The following ZNF423 variants were observed in gnomAD, a reference collection of about 807,000 sequenced individuals.
The protein encoded by ZNF423 is zinc finger protein 423.
Under a neutral mutation model 95.8 loss-of-function variants are expected in ZNF423, and 12 were observed. That is an observed-to-expected ratio of 0.13 (90% confidence interval 0.08 to 0.20). The LOEUF (loss-of-function observed/expected upper bound fraction) is 0.20. ZNF423 is among the 10% of genes least tolerant of loss of function. The pLI is 1.00. For synonymous variants in ZNF423, 749 were observed against 711.9 expected (o/e 1.05, Z -0.83); for missense variants, 1,316 against 1,737.1 (o/e 0.76, Z 4.31).
At chr16:49,567,464 T>C (rs1970228382) in intron 5 of ZNF423, among the ~76,000 whole-genome samples, 1 of 151,864 alleles carries the variant, frequency 6.6e-6, no homozygotes, top group South Asian at 2.1e-4. Flanking sequence ...AGAATCAGGC[T>C]AGACAGACCC....
In ZNF423 at chr16:49,636,281, C is replaced by T; in HGVS notation, c.2895G>A (p.Lys965=). The T allele has an allele frequency of 6.2e-7, 1 of 1,612,868 alleles. No individual in the cohort carries two copies. The highest frequency in any genetic ancestry group is 8.5e-7 in the Non-Finnish European group (1 of 1,180,036). The change falls in exon 4 of 8, where the codon AAG becomes AAA. Residue 965 remains lysine, a synonymous_variant. Transcript: ENST00000563137. The surrounding 1 kb of genome is among the most constrained non-coding windows in gnomAD (Gnocchi z 8.6). ...CACCACAGATGGGACACATGTAGTG[C>T]TTGGCAGGGCCCCGGTGCGTCTGCA... ...EHLQTHRGPA[K]HYMCPICGER...
rs1270200612 is a variant in ZNF423 at position 49,670,441 on chromosome 16, C to A, written c.302-31567G>T. On this transcript the variant is annotated intron_variant, in intron 3 of 7. Transcript: ENST00000563137. The stretch of plus-strand genomic sequence containing the variant: ...CTCAGACCCCCTCATGGCTGTGGCC[C>A]TGTAAGGATGGGAAGGCATGGTTTT... Among the ~76,000 whole-genome samples, 32 of 152,242 alleles carry A rather than the reference C, an allele frequency of 2.1e-4. 1 individual carries two copies. Among genetic ancestry groups the A allele is most frequent in the Non-Finnish European group, 4.7e-4 (32 of 68,040 alleles).
At chr16:49,703,844 C>T (rs2032268602) in intron 3 of ZNF423, among the ~76,000 whole-genome samples, 1 of 152,228 alleles carries the variant, frequency 6.6e-6, no homozygotes, top group Non-Finnish European at 1.5e-5. Context: ...CTATGCCCCA[C>T]CCTGGGTTCA....
chr16:49,679,417 T>G (rs1178853865), intron 3 of ZNF423, among the ~76,000 whole-genome samples: 1 of 152,198 alleles, frequency 6.6e-6, no homozygotes, highest in Admixed American at 6.5e-5. Flanking sequence ...CCTCACAGGC[T>G]CGGAAGTGCC....
In ZNF423 at chr16:49,784,221, T is replaced by C. The variant is rs555416964; in HGVS notation, c.100+5266A>G. 3.3e-5 allele frequency among the ~76,000 whole-genome samples: 5 copies of C among 151,392 alleles called. No homozygotes were observed. In the South Asian group the frequency reaches 1.0e-3, roughly 32 times the overall value. ...CGCCTACAAACACACCCAAAAGAAA[T>C]AAAAACAAGCGTTCAAGCAAAAACT... On this transcript the variant is annotated intron_variant, in intron 2 of 7. Transcript: ENST00000563137.
chr16:49,768,696 G>A (rs1474760164), intron 2 of ZNF423, among the ~76,000 whole-genome samples: 3 of 151,944 alleles, frequency 2.0e-5, no homozygotes, highest in African/African-American at 7.3e-5. Context: ...CAATGTCAAC[G>A]TGGCCCTAGA....
intron 2 of ZNF423, among the ~76,000 whole-genome samples, chr16:49,771,197 T>C (rs757138173): frequency 1.1e-3 from 152 of 139,458 alleles, no homozygotes; most frequent in Middle Eastern, 0.011. Context: ...TTTTTCTTTT[T>C]TTTTTTTTTT....
intron 3 of ZNF423, among the ~76,000 whole-genome samples, chr16:49,676,177 T>C (rs2031039393): frequency 6.6e-6 from 1 of 152,214 alleles, no homozygotes; most frequent in South Asian, 2.1e-4. Flanking sequence ...ACAAGTACAA[T>C]TATGCATCAC....
chr16:49,557,965 G>A (rs1268750766), intron 5 of ZNF423, among the ~76,000 whole-genome samples: 1 of 152,216 alleles, frequency 6.6e-6, no homozygotes, highest in Non-Finnish European at 1.5e-5. Context: ...CTCAAACAGG[G>A]AAACAGCCCA....
chr16:49,678,596 G>A (rs542451216), intron 3 of ZNF423, among the ~76,000 whole-genome samples: 1 of 152,308 alleles, frequency 6.6e-6, no homozygotes, highest in African/African-American at 2.4e-5. Context: ...CCATGTGTGA[G>A]GCACTGGCCT....
intron 1 of ZNF423, among the ~76,000 whole-genome samples, chr16:49,802,944 C>T (rs1425187262): frequency 6.6e-6 from 1 of 152,186 alleles, no homozygotes; most frequent in Admixed American, 6.5e-5. Context: ...ACCCAGTGAA[C>T]ATCCTTTCAC....
intron 2 of ZNF423, among the ~76,000 whole-genome samples, chr16:49,758,132 T>C (rs551830097): frequency 1.3e-5 from 2 of 152,188 alleles, no homozygotes; most frequent in African/African-American, 4.8e-5. Context: ...AGATCAGGAA[T>C]TGTTAGAAAG....
At chr16:49,823,465 G>A (rs952953141) in intron 1 of ZNF423, among the ~76,000 whole-genome samples, 3 of 152,194 alleles carry the variant, frequency 2.0e-5, no homozygotes, top group Non-Finnish European at 2.9e-5. Flanking sequence ...GTTGCTCGAG[G>A]GTGCACAGCT....
chr16:49,545,216 G>A (rs376621425), intron 5 of ZNF423, among the ~76,000 whole-genome samples: 20 of 152,210 alleles, frequency 1.3e-4, no homozygotes, highest in African/African-American at 4.1e-4. Flanking sequence ...GGCATTTTTC[G>A]TCCCATTCTG....
intron 2 of ZNF423, among the ~76,000 whole-genome samples, chr16:49,753,926 G>A (rs2033677277): frequency 6.6e-6 from 1 of 151,920 alleles, no homozygotes; most frequent in South Asian, 2.1e-4. Flanking sequence ...AGCTACTCCA[G>A]AGGCTGAGGC....
At chr16:49,838,470 C>CGTGT (rs1016725533) in intron 1 of ZNF423, among the ~76,000 whole-genome samples, 1 of 152,180 alleles carries the variant, frequency 6.6e-6, no homozygotes, top group Non-Finnish European at 1.5e-5. Flanking sequence ...AGCGGCATTA[C>CGTGT]GTGTATGAGG....
At chr16:49,826,846 T>G (rs562960828) in intron 1 of ZNF423, 1 of 152,250 alleles carries the variant, frequency 6.6e-6, no homozygotes, top group Non-Finnish European at 1.5e-5. Flanking sequence ...TAGTCACCTG[T>G]GATACTCAAG....
At chr16:49,592,034 T>C (rs1260823012) in intron 5 of ZNF423, among the ~76,000 whole-genome samples, 1 of 152,270 alleles carries the variant, frequency 6.6e-6, no homozygotes, top group Non-Finnish European at 1.5e-5. Flanking sequence ...CTTTTCTGTA[T>C]GTAATGCATC....
chr16:49,642,123 G>A (rs1264954039), intron 3 of ZNF423, among the ~76,000 whole-genome samples: 5 of 152,172 alleles, frequency 3.3e-5, no homozygotes, highest in Admixed American at 3.3e-4. Flanking sequence ...AATGTCCCAC[G>A]TGCCAGCACT....
Sources: allele counts gnomAD v4.1 joint callset (sites outside exome capture counted in the v4.1 genomes callset), GRCh38; gene constraint gnomAD v4.1.1; non-coding constraint Gnocchi (gnomAD v3.1); transcripts MANE v1.5; gene names NCBI Gene and HGNC (gene_info 2026-07-23, HGNC 2026-07-21).